Variants in CACNA1I observed in about 807,000 individuals in gnomAD.
CACNA1I encodes the protein calcium voltage-gated channel subunit alpha1 I, also known as voltage-dependent T-type calcium channel subunit alpha-1I.
A neutral mutation model predicts 201.6 loss-of-function variants in CACNA1I; 74 were observed. That is an observed-to-expected ratio of 0.37 (90% CI 0.30 to 0.45). The LOEUF is 0.45. CACNA1I is among the 20% of genes least tolerant of loss of function. CACNA1I has a pLI of 1.00. For synonymous variants in CACNA1I, 1,431 were observed against 1,345.2 expected (o/e 1.06, Z -1.40); for missense variants, 2,346 against 3,138.1 (o/e 0.75, Z 6.03).
intron 3 of CACNA1I, among the ~76,000 whole-genome samples, chr22:39,613,366 G>A (rs1478928238): frequency 6.6e-6 from 1 of 152,184 alleles, no homozygotes. Context: ...AGGATCAGTG[G>A]GACACCAGGC....
In CACNA1I at chr22:39,658,120, G is replaced by C. The variant is rs202153992; in HGVS notation, c.1993-32G>C. 1.5e-5 allele frequency: 24 copies of C among 1,610,764 alleles called. No individual in the cohort carries two copies. In the East Asian group the frequency reaches 4.9e-4, roughly 33 times the overall value. On this transcript the variant is annotated intron_variant, in intron 10 of 36. Coordinates refer to ENST00000402142, the MANE Select transcript of CACNA1I (RefSeq NM_021096.4). ...TCCACAGCTGCCCTCTGGCCTGACC[G>C]GGTCTCCATTCCCCACCCCAATGCC...
In CACNA1I at chr22:39,666,179, G is replaced by A. The variant is rs575805377; in HGVS notation, c.4104+173G>A. 1.3e-5 allele frequency among the ~76,000 whole-genome samples: 2 copies of A among 152,294 alleles called. No homozygotes were observed. Among genetic ancestry groups the A allele is most frequent in the South Asian group, 2.1e-4 (1 of 4,816 alleles). On this transcript the variant is annotated intron_variant, in intron 23 of 36. Transcript: ENST00000402142. The surrounding 1 kb of genome is among the most constrained non-coding windows in gnomAD (Gnocchi z 4.1). ...GGTAAGGGTAGCACTCACCTCTCAG[G>A]TGGGATGAGGCTTAGAGAGTCTGTG...
In CACNA1I at chr22:39,662,766, C is replaced by A. The variant is rs745406329; in HGVS notation, c.3373-10C>A. ...CGCTGACCCCCGGCGCTCCGTCCTC[C>A]TCTTGCTAGACCCTGTGCTTCCGCG... is the stretch of plus-strand genomic sequence containing the variant. On this transcript the variant is annotated splice_polypyrimidine_tract_variant and intron_variant, in intron 17 of 36. Transcript: ENST00000402142. The A allele has an allele frequency of 1.9e-5, 29 of 1,560,856 alleles. No homozygotes were observed. The highest frequency in any genetic ancestry group is 2.4e-5 in the Non-Finnish European group (28 of 1,150,912).
At chr22:39,663,885 G>T (rs750754718) in intron 19 of CACNA1I, 44 bp downstream of exon 19, 6 of 1,610,222 alleles carry the variant, frequency 3.7e-6, no homozygotes, top group Non-Finnish European at 5.1e-6. Flanking sequence ...CCAGGCCAAG[G>T]GACAGCTCGC....
intron 10 of CACNA1I, among the ~76,000 whole-genome samples, chr22:39,654,762 A>G (rs1934762405): frequency 6.6e-6 from 1 of 152,138 alleles, no homozygotes; most frequent in African/African-American, 2.4e-5. Flanking sequence ...TTCATCAGCG[A>G]GACAGAGGGA....
chr22:39,686,072 C>T lies in CACNA1I; in HGVS notation c.6339C>T (p.Gly2113=). The change falls in exon 37 of 37, where the codon GGC becomes GGT. Residue 2113 remains glycine, a synonymous_variant. Transcript: ENST00000402142. ...MDPSDEEGRG[G]AGGGGAGSEH... ...CCTCGGACGAGGAGGGCCGCGGTGGCGCGGGCGGCGGGGGCGCGGGCAGCG... is the reference window on the plus strand; with the variant it reads ...CCTCGGACGAGGAGGGCCGCGGTGGTGCGGGCGGCGGGGGCGCGGGCAGCG... The T allele has an allele frequency of 1.6e-6, 2 of 1,232,112 alleles. No individual in the cohort carries two copies. The highest frequency in any genetic ancestry group is 2.0e-6 in the Non-Finnish European group (2 of 990,416). 76.3% of individuals were successfully genotyped at this position (1,232,112 alleles called of 1,614,324 possible).
intron 3 of CACNA1I, among the ~76,000 whole-genome samples, chr22:39,601,970 A>ACCCT (rs1336220323): frequency 9.2e-5 from 1 of 10,852 alleles, no homozygotes; most frequent in African/African-American, 4.8e-4. Context: ...TCTTTCTTTC[A>ACCCT]CCCTCCCTCC....
chr22:39,620,245 A>ACCTG (rs1933702384), intron 4 of CACNA1I, among the ~76,000 whole-genome samples: 5 of 85,200 alleles, frequency 5.9e-5, no homozygotes, highest in African/African-American at 2.3e-4. Context: ...CTGTCCATCC[A>ACCTG]TCCATCCATC....
chr22:39,687,773 A>G lies in CACNA1I; in HGVS notation c.*1368A>G, dbSNP rs976990304. 2.6e-5 allele frequency: 4 copies of G among 152,190 alleles called. No homozygotes were observed. The highest frequency in any genetic ancestry group is 2.0e-4 in the Admixed American group (3 of 15,278). The allele number at this position is 152,190 out of a possible 1,614,324, so 9.4% of individuals were successfully genotyped here. A position where few individuals can be genotyped will look rare whatever the true frequency, so the allele number is the denominator to read the frequency against. ...CGCATTTATTTCACTATTTATTGGGAAAAAAATGCATTGAACCCGTGATTT... is the reference window on the plus strand; with the variant it reads ...CGCATTTATTTCACTATTTATTGGGGAAAAAATGCATTGAACCCGTGATTT... On this transcript the variant is annotated 3_prime_UTR_variant, in exon 37 of 37. Coordinates refer to ENST00000402142, the MANE Select transcript of CACNA1I (RefSeq NM_021096.4).
rs954070136 is a variant in CACNA1I, at chr22:39,666,172, C to T, written c.4104+166C>T. Among the ~76,000 whole-genome samples the T allele has an allele frequency of 6.6e-6, 1 of 152,162 alleles. No individual in the cohort carries two copies. Among genetic ancestry groups the T allele is most frequent in the Non-Finnish European group, 1.5e-5 (1 of 68,022 alleles). On this transcript the variant is annotated intron_variant, in intron 23 of 36. Transcript: ENST00000402142. This position sits in a 1 kb window ranked among gnomAD's most constrained non-coding sequence, Gnocchi z 4.1. ...CAAAATGGGTAAGGGTAGCACTCAC[C>T]TCTCAGGTGGGATGAGGCTTAGAGA...
chr22:39,595,491 G>A (rs132585), intron 1 of CACNA1I, among the ~76,000 whole-genome samples: 54,126 of 151,558 alleles, frequency 0.36, 11,426 homozygotes, highest in Non-Finnish European at 0.49. Context: ...CGGGCATAGT[G>A]GCAGGCGCCT....
intron 4 of CACNA1I, 85 bp downstream of exon 4, chr22:39,619,492 C>A (rs1191955687): frequency 4.5e-6 from 4 of 898,202 alleles, no homozygotes; most frequent in Non-Finnish European, 7.1e-6. Context: ...CAATGCCCAC[C>A]CCCCCACCCT....
At chr22:39,669,618 G>A (rs1003121192) in intron 24 of CACNA1I, among the ~76,000 whole-genome samples, 20 of 151,832 alleles carry the variant, frequency 1.3e-4, no homozygotes, top group Non-Finnish European at 1.5e-4. Flanking sequence ...GTAGATGGAT[G>A]GGTGGATGCA....
intron 27 of CACNA1I, 49 bp from the exon 28 acceptor site, chr22:39,672,900 A>G: frequency 6.3e-7 from 1 of 1,574,998 alleles, no homozygotes; most frequent in Non-Finnish European, 8.6e-7. Context: ...TCTGAACCAG[A>G]GGGATCCTCC....
At position 39,684,437 on chromosome 22, in the gene CACNA1I, C is replaced by T. The variant is rs755532783; in HGVS notation, c.5966C>T (p.Ala1989Val). The change falls in exon 36 of 37, where the codon GCG (alanine) becomes GTG (valine). Residue 1989 changes from alanine to valine, a missense_variant. Coordinates refer to ENST00000402142, the MANE Select transcript of CACNA1I (RefSeq NM_021096.4). The surrounding 1 kb of genome is among the most constrained non-coding windows in gnomAD (Gnocchi z 4.6). ...GGCACTGGAACCCTCCCCAAGATTG[C>T]GCTGCAGGGCTCCTGGGCATCTCTG... is the stretch of plus-strand genomic sequence containing the variant. ...GTGTGTLPKIALQGSWASLRS... is the reference protein window; with the variant it reads ...GTGTGTLPKIVLQGSWASLRS... The T allele has an allele frequency of 1.8e-5, 29 of 1,613,516 alleles. No homozygotes were observed. Among genetic ancestry groups the T allele is most frequent in the Non-Finnish European group, 2.3e-5 (27 of 1,179,870 alleles).
At chr22:39,621,545 AGGAGGGTGGCAGAGCTTTCTGAGCCT>A (rs1345682966) in intron 4 of CACNA1I, among the ~76,000 whole-genome samples, 1 of 152,212 alleles carries the variant, frequency 6.6e-6, no homozygotes, top group Non-Finnish European at 1.5e-5. Flanking sequence ...CAAGGTGACC[AGGAGGGTGGCAGAGCTTTCTGAGCCT>A]GGAGGGTGGC....
chr22:39,635,201 A>G (rs117655683), intron 5 of CACNA1I, among the ~76,000 whole-genome samples: 2,105 of 152,332 alleles, frequency 0.014, 20 homozygotes, highest in Non-Finnish European at 0.021. Flanking sequence ...TTGGATGTGA[A>G]TATGCATTCA....
rs1446391692 is a variant in CACNA1I at position 39,642,797 on chromosome 22, G to A, written c.1057G>A (p.Val353Met). ...IGYAWIVIFQVITLEGWVEIM... is the reference protein window; with the variant it reads ...IGYAWIVIFQMITLEGWVEIM... ...GCTCTCTCTCCTCTGCGCGCTGCAG[G>A]TGATCACTCTGGAAGGCTGGGTGGA... The change falls in exon 7 of 37, where the codon GTG becomes ATG. Residue 353 changes from valine to methionine, a missense_variant and splice_region_variant. By Grantham distance (21) the Val-to-Met change is conservative (BLOSUM62 1). Coordinates refer to ENST00000402142, the MANE Select transcript of CACNA1I (RefSeq NM_021096.4). 6.2e-7 allele frequency: 1 copy of A among 1,607,762 alleles called. No individual in the cohort carries two copies. Among genetic ancestry groups the A allele is most frequent in the Non-Finnish European group, 8.5e-7 (1 of 1,176,610 alleles).
rs765251394 is a variant in CACNA1I at position 39,647,907 on chromosome 22, A to G, written c.1548A>G (p.Gly516=). 10 of 1,613,564 alleles carry G rather than the reference A, an allele frequency of 6.2e-6. No individual in the cohort carries two copies. The highest frequency in any genetic ancestry group is 1.7e-5 in the Admixed American group (1 of 60,014). The change falls in exon 9 of 37, where the codon GGA becomes GGG. Residue 516 remains glycine, a synonymous_variant. Coordinates refer to ENST00000402142, the MANE Select transcript of CACNA1I (RefSeq NM_021096.4). ...CQTLHGPASP[G]NDHSGRELCP... ...CTTTGCATGGGCCTGCCTCCCCTGG[A>G]AATGATCACTCGGGAAGAGGCAAGC...
Sources: allele counts gnomAD v4.1 joint callset (sites outside exome capture counted in the v4.1 genomes callset), GRCh38; gene constraint gnomAD v4.1.1; non-coding constraint Gnocchi (gnomAD v3.1); transcripts MANE v1.5; gene names NCBI Gene and HGNC (gene_info 2026-07-23, HGNC 2026-07-21).